DTYMK: variants seen among roughly 807,000 people sequenced by gnomAD.
The protein encoded by DTYMK is deoxythymidylate kinase.
A neutral mutation model predicts 20.3 loss-of-function variants in DTYMK; 20 were observed. The observed-to-expected ratio is 0.99, with a 90% CI of 0.69 to 1.43. The LOEUF (loss-of-function observed/expected upper bound fraction) is 1.43. DTYMK is among the 40% of genes most tolerant of loss of function. The pLI, the probability that DTYMK is intolerant of heterozygous loss-of-function variation, is 0.00. For synonymous variants in DTYMK, 148 were observed against 124.4 expected (o/e 1.19, Z -1.27); for missense variants, 320 against 291.1 (o/e 1.10, Z -0.72).
Position 241,685,819 on chromosome 2 carries a change from C to T in DTYMK, c.189G>A (p.Val63=). 5 of 1,614,214 alleles carry T rather than the reference C, an allele frequency of 3.1e-6. No homozygotes were observed. The highest frequency in any genetic ancestry group is 4.2e-6 in the Non-Finnish European group (5 of 1,180,028). The change falls in exon 2 of 5, where the codon GTG becomes GTA. Residue 63 remains valine (V), a synonymous_variant. Coordinates refer to ENST00000305784, the MANE Select transcript of DTYMK (RefSeq NM_012145.4). The part of the protein sequence containing the change: ...LSSYLQKKSD[V]EDHSVHLLFS... Reference sequence around the variant, plus strand: ...AAAGCAGGTGCACCGAGTGATCCTCCACGTCACTTTTCTTTTGCAAGTAGG... The same window carrying T: ...AAAGCAGGTGCACCGAGTGATCCTCTACGTCACTTTTCTTTTGCAAGTAGG...
At chr2:241,683,767 T>G (rs942778613) in intron 2 of DTYMK, among the ~76,000 whole-genome samples, 1 of 152,056 alleles carries the variant, frequency 6.6e-6, no homozygotes, top group Non-Finnish European at 1.5e-5. Context: ...AAAAAAGACA[T>G]GAACTATTGG....
chr2:241,686,046 G>C (rs946722858), intron 1 of DTYMK, among the ~76,000 whole-genome samples, 169 bp from the exon 2 acceptor site: 6 of 152,182 alleles, frequency 3.9e-5, no homozygotes, highest in African/African-American at 1.4e-4. Context: ...GAATTTCTCT[G>C]AGCAATAACA....
Position 241,676,103 on chromosome 2 carries a change from G to A in DTYMK, c.*24C>T, listed in dbSNP as rs761395444. On this transcript the variant is annotated 3_prime_UTR_variant, in exon 5 of 5. Transcript: ENST00000305784. ...ACCTCTCGGGGGACTGCAGGGAGAG[G>A]CGTCTCCAGTGGGCAGCCTTGGGTC... 9.3e-5 allele frequency: 147 copies of A among 1,583,294 alleles called. No homozygotes were observed. The highest frequency in any genetic ancestry group is 1.2e-4 in the Non-Finnish European group (145 of 1,162,550).
rs1344088878 is a variant in DTYMK, at chr2:241,686,713, C to A, written c.71G>T (p.Arg24Leu). ...GGCGCACAGCGCTTCCACCAGCTTGCGGCTCTGCGTGCTCTTCCCGGCGCG... is the reference window on the plus strand; with the variant it reads ...GGCGCACAGCGCTTCCACCAGCTTGAGGCTCTGCGTGCTCTTCCCGGCGCG... ...VDRAGKSTQS[R>L]KLVEALCAAG... is the part of the protein sequence containing the mutation. The change falls in exon 1 of 5, where the codon CGC (arginine) becomes CTC (leucine). Residue 24 changes from arginine to leucine, a missense_variant. Physicochemically the swap from Arg to Leu is moderately radical, Grantham distance 102. Transcript: ENST00000305784. 2.6e-6 allele frequency: 4 copies of A among 1,542,820 alleles called. No homozygotes were observed. Among genetic ancestry groups the A allele is most frequent in the Non-Finnish European group, 1.7e-6 (2 of 1,157,156 alleles).
At position 241,676,113 on chromosome 2, in the gene DTYMK, TG is replaced by T. The variant is rs34706919; in HGVS notation, c.*13del. ...GGACTGCAGGGAGAGGCGTCTCCAGTGGGCAGCCTTGGGTCACTTCCATAGC... is the reference window on the plus strand; with the variant it reads ...GGACTGCAGGGAGAGGCGTCTCCAGTGGCAGCCTTGGGTCACTTCCATAGC... On this transcript the variant is annotated 3_prime_UTR_variant, in exon 5 of 5. Transcript: ENST00000305784. 0.23 allele frequency: 364,671 copies of T among 1,597,486 alleles called. 42,462 individuals carry two copies. Among genetic ancestry groups the T allele is most frequent in the East Asian group, 0.27 (11,811 of 44,276 alleles).
intron 2 of DTYMK, 29 bp from the exon 3 acceptor site, chr2:241,680,348 G>C (rs1296654118): frequency 6.2e-7 from 1 of 1,612,512 alleles, no homozygotes; most frequent in South Asian, 1.1e-5. Context: ...CTGAGCCCTG[G>C]TCCTGTTTCA....
chr2:241,679,652 A>T (rs2069195081), intron 3 of DTYMK, among the ~76,000 whole-genome samples: 2 of 151,870 alleles, frequency 1.3e-5, no homozygotes, highest in Admixed American at 1.3e-4. Context: ...GGAAAAAAGT[A>T]CTACAAATGA....
In DTYMK at chr2:241,678,661, G is replaced by A; in HGVS notation, c.331-12C>T. On this transcript the variant is annotated splice_polypyrimidine_tract_variant and intron_variant, in intron 3 of 4. Transcript: ENST00000305784. ...TCTAGGGAAAAATTCTGCCAAGAAAGAACCCAACAGTTAAAGCTTAGTGTA... is the reference window on the plus strand; with the variant it reads ...TCTAGGGAAAAATTCTGCCAAGAAAAAACCCAACAGTTAAAGCTTAGTGTA... 1.2e-6 allele frequency: 2 copies of A among 1,613,784 alleles called. No homozygotes were observed. The highest frequency in any genetic ancestry group is 1.7e-6 in the Non-Finnish European group (2 of 1,179,916).
chr2:241,676,018 G>A lies in DTYMK; in HGVS notation c.*109C>T. On this transcript the variant is annotated 3_prime_UTR_variant, in exon 5 of 5. Coordinates refer to ENST00000305784, the MANE Select transcript of DTYMK (RefSeq NM_012145.4). ...CCTGCAGATCTCTGCTGCCGGGAAAGAGCTCCTGAAGTTGTGGGGTCTGGA... is the reference window on the plus strand; with the variant it reads ...CCTGCAGATCTCTGCTGCCGGGAAAAAGCTCCTGAAGTTGTGGGGTCTGGA... 1 of 1,056,812 alleles carries A rather than the reference G, an allele frequency of 9.5e-7. No homozygotes were observed. The highest frequency in any genetic ancestry group is 1.3e-6 in the Non-Finnish European group (1 of 758,152). The allele number at this position is 1,056,812 out of a possible 1,614,324, so 65.5% of individuals were successfully genotyped here.
chr2:241,684,612 T>C (rs2069336302), intron 2 of DTYMK: 1 of 377,882 alleles, frequency 2.6e-6, no homozygotes, highest in African/African-American at 2.1e-5. Flanking sequence ...AGCTGCCAAA[T>C]AATTTGTATG....
At chr2:241,684,678 T>C (rs759140139) in intron 2 of DTYMK, 3 of 452,218 alleles carry the variant, frequency 6.6e-6, no homozygotes, top group South Asian at 1.6e-5. Flanking sequence ...TTTCTACATA[T>C]GTATATAAAT....
chr2:241,685,738 G>C, intron 2 of DTYMK, 31 bp downstream of exon 2: 2 of 1,600,094 alleles, frequency 1.2e-6, no homozygotes, highest in Non-Finnish European at 1.7e-6. Context: ...AAGTGGCAAG[G>C]GCAGAGGGAG....
At chr2:241,683,033 GCAGTGAGCCAAGACCGTGC>G (rs1407300924) in intron 2 of DTYMK, 3 of 153,232 alleles carry the variant, frequency 2.0e-5, no homozygotes, top group African/African-American at 7.2e-5. Flanking sequence ...AGTAGAGGCT[GCAGTGAGCCAAGACCGTGC>G]CACTGTACTC....
intron 2 of DTYMK, among the ~76,000 whole-genome samples, 174 bp from the exon 3 acceptor site, chr2:241,680,493 G>C (rs1042667161): frequency 2.6e-5 from 4 of 152,086 alleles, no homozygotes; most frequent in African/African-American, 4.8e-5. Flanking sequence ...TGGCTAACAT[G>C]GTGAAACCCT....
At position 241,686,219 on chromosome 2, in the gene DTYMK, C is replaced by G. The variant is rs547226958; in HGVS notation, c.131-342G>C. ...CTTTTAAATATATGCTATAAAACCC[C>G]TGAAAGCGCGAACAGCCATCAAACA... On this transcript the variant is annotated intron_variant, in intron 1 of 4. Transcript: ENST00000305784. Among the ~76,000 whole-genome samples, 77 of 152,358 alleles carry G rather than the reference C, an allele frequency of 5.1e-4. No individual in the cohort carries two copies. In the South Asian group the frequency reaches 0.015, roughly 30 times the overall value.
At position 241,676,028 on chromosome 2, in the gene DTYMK, AGTTGTGGG is replaced by A; in HGVS notation, c.*91_*98del. 1 of 1,121,222 alleles carries A rather than the reference AGTTGTGGG, an allele frequency of 8.9e-7. No individual in the cohort carries two copies. The highest frequency in any genetic ancestry group is 1.2e-6 in the Non-Finnish European group (1 of 813,042). 69.5% of individuals were successfully genotyped at this position (1,121,222 alleles called of 1,614,324 possible). ...TCTGCTGCCGGGAAAGAGCTCCTGA[AGTTGTGGG>A]GTCTGGACTCTGCTGGGGACGGGGC... On this transcript the variant is annotated 3_prime_UTR_variant, in exon 5 of 5. Coordinates refer to ENST00000305784, the MANE Select transcript of DTYMK (RefSeq NM_012145.4).
chr2:241,685,909 G>A (rs753092156), intron 1 of DTYMK, 32 bp from the exon 2 acceptor site: 16 of 1,600,566 alleles, frequency 1.0e-5, no homozygotes, highest in Non-Finnish European at 1.3e-5. Context: ...CAAAATGCAA[G>A]TGAGATCAGG....
intron 2 of DTYMK, among the ~76,000 whole-genome samples, chr2:241,683,889 C>G (rs1366737612): frequency 5.3e-5 from 8 of 152,086 alleles, no homozygotes; most frequent in Non-Finnish European, 1.2e-4. Flanking sequence ...GAAACCCTGT[C>G]TCTACTAAAA....
chr2:241,677,013 G>A (rs2069132547), intron 4 of DTYMK, among the ~76,000 whole-genome samples: 1 of 152,262 alleles, frequency 6.6e-6, no homozygotes, highest in Non-Finnish European at 1.5e-5. Context: ...AACGGTGCGA[G>A]GAGCGTGGGG....
Sources: allele counts gnomAD v4.1 joint callset (sites outside exome capture counted in the v4.1 genomes callset), GRCh38; gene constraint gnomAD v4.1.1; transcripts MANE v1.5; gene names NCBI Gene and HGNC (gene_info 2026-07-23, HGNC 2026-07-21).